The following ANO3 variants were observed in gnomAD, a reference collection of about 807,000 sequenced individuals.
ANO3 encodes the protein anoctamin 3.
In ANO3, 99 loss-of-function variants were observed where a neutral mutation model predicts 144.8. The ratio of observed to expected loss-of-function variants is 0.68; its 90% CI spans 0.58 to 0.81. The LOEUF (loss-of-function observed/expected upper bound fraction) is 0.81. Among genes scored for constraint, ANO3 ranks in the 30% least tolerant of loss-of-function variants. ANO3 has a pLI of 0.00. For synonymous variants in ANO3, 414 were observed against 392.6 expected, an observed-to-expected ratio of 1.05 and a Z score of -0.64; for missense variants, 905 against 1,202.2, an observed-to-expected ratio of 0.75 and a Z score of 3.66.
At chr11:26,271,111 T>C (rs775206438) in intron 1 of ANO3, among the ~76,000 whole-genome samples, 6 of 152,228 alleles carry the variant, frequency 3.9e-5, no homozygotes, top group Admixed American at 6.5e-5. Flanking sequence ...AGTGACAAGA[T>C]TGCCCTTCTG....
chr11:26,649,756 AT>A (rs1203156103), intron 24 of ANO3, among the ~76,000 whole-genome samples: 1 of 151,746 alleles, frequency 6.6e-6, no homozygotes, highest in African/African-American at 2.4e-5. Flanking sequence ...ATATATATTC[AT>A]AGCCCTTATG....
At position 26,290,168 on chromosome 11, in the gene ANO3, T is replaced by G. The variant is rs182737468; in HGVS notation, c.155-19477T>G. 2.2e-3 allele frequency among the ~76,000 whole-genome samples: 331 copies of G among 152,308 alleles called. 1 individual carries two copies. Among genetic ancestry groups the G allele is most frequent in the Non-Finnish European group, 3.9e-3 (265 of 68,008 alleles). On this transcript the variant is annotated intron_variant, in intron 1 of 27. Transcript: ENST00000672621. ...GCGTATGTGTCCAGGAATGTATCCA[T>G]TTCTTCTAGATTTTCTAGTTTATTT...
chr11:26,446,785 C>T (rs1858716168), intron 3 of ANO3, among the ~76,000 whole-genome samples: 1 of 152,112 alleles, frequency 6.6e-6, no homozygotes, highest in African/African-American at 2.4e-5. Flanking sequence ...ATCATAGCTC[C>T]TAGCACATCA....
chr11:26,337,244 T>A lies in ANO3; in HGVS notation c.46+4923T>A, dbSNP rs1011204868. 4.6e-5 allele frequency among the ~76,000 whole-genome samples: 7 copies of A among 152,320 alleles called. No individual in the cohort carries two copies. In the South Asian group the frequency reaches 8.3e-4, roughly 18 times the overall value. On this transcript the variant is annotated intron_variant, in intron 1 of 26. Coordinates refer to ENST00000256737, the MANE Select transcript of ANO3 (RefSeq NM_031418.4). ...GGCTCAGAGGAATTACTGTGTTAAT[T>A]CAAAGTAAGAACATTGCTGTTTAAA... is the stretch of plus-strand genomic sequence containing the variant.
At chr11:26,592,129 C>T (rs1345012907) in intron 14 of ANO3, among the ~76,000 whole-genome samples, 1 of 152,116 alleles carries the variant, frequency 6.6e-6, no homozygotes, top group African/African-American at 2.4e-5. Context: ...CTTGGTCAAA[C>T]ACAAGGTCAT....
rs1478191641 is a variant in ANO3, at chr11:26,218,355, TC to T, written c.154+29026del. Among the ~76,000 whole-genome samples the T allele has an allele frequency of 2.0e-5, 3 of 152,286 alleles. No individual in the cohort carries two copies. The East Asian group carries it at 5.8e-4, about 29-fold the overall frequency. On this transcript the variant is annotated intron_variant, in intron 1 of 27. Coordinates refer to the ANO3 transcript ENST00000672621. ...AGAACCCTTGACTGGTAATTATTTC[TC>T]TAATTTTTTTATTACAAATATCTTG...
chr11:26,445,029 T>C (rs574041949), intron 3 of ANO3, among the ~76,000 whole-genome samples: 7 of 152,320 alleles, frequency 4.6e-5, no homozygotes, highest in Non-Finnish European at 8.8e-5. Context: ...TATCCAAAAT[T>C]CTTGAGACCA....
intron 13 of ANO3, among the ~76,000 whole-genome samples, chr11:26,557,582 G>A (rs1270029051): frequency 6.6e-6 from 1 of 152,092 alleles, no homozygotes; most frequent in East Asian, 1.9e-4. Context: ...TGTAGGACAA[G>A]ATTCTTTTTG....
intron 17 of ANO3, among the ~76,000 whole-genome samples, chr11:26,621,558 C>T (rs11029649): frequency 0.15 from 23,094 of 151,974 alleles, 2,043 homozygotes; most frequent in East Asian, 0.33. Context: ...TAAAATAGTA[C>T]TCTCTGTGTC....
At chr11:26,411,666 C>T (rs769457184) in intron 1 of ANO3, among the ~76,000 whole-genome samples, 1 of 151,904 alleles carries the variant, frequency 6.6e-6, no homozygotes, top group East Asian at 1.9e-4. Context: ...TACTGCGATA[C>T]TCACCACACT....
At chr11:26,256,154 A>G (rs1432865399) in intron 1 of ANO3, among the ~76,000 whole-genome samples, 1 of 152,192 alleles carries the variant, frequency 6.6e-6, no homozygotes, top group Admixed American at 6.5e-5. Flanking sequence ...AGGATAGGAA[A>G]GAAAGGCTGG....
intron 14 of ANO3, among the ~76,000 whole-genome samples, chr11:26,590,300 T>C (rs1851407175): frequency 6.6e-6 from 1 of 152,264 alleles, no homozygotes; most frequent in Admixed American, 6.5e-5. Flanking sequence ...CTTTTAATTC[T>C]CATAAATACT....
Position 26,192,055 on chromosome 11 carries a change from A to C in ANO3, c.154+2725A>C, listed in dbSNP as rs374569342. Among the ~76,000 whole-genome samples the C allele has an allele frequency of 1.4e-4, 21 of 152,326 alleles. No individual in the cohort carries two copies. In the East Asian group the frequency reaches 2.3e-3, roughly 17 times the overall value. On this transcript the variant is annotated intron_variant, in intron 1 of 27. Transcript: ENST00000672621. ...ATACTTTTTAAATGAGTTTTCTGCC[A>C]TAAGGTATATTTGTTTAAGTCAAGT...
intron 1 of ANO3, among the ~76,000 whole-genome samples, chr11:26,229,344 A>G (rs992063601): frequency 6.6e-6 from 1 of 152,242 alleles, no homozygotes; most frequent in Non-Finnish European, 1.5e-5. Context: ...TGATGCGTAG[A>G]TCTGCCATTT....
intron 1 of ANO3, among the ~76,000 whole-genome samples, chr11:26,219,666 A>AT (rs1246562869): frequency 3.3e-5 from 5 of 152,210 alleles, no homozygotes; most frequent in Non-Finnish European, 7.4e-5. Context: ...ACAAACGTTC[A>AT]TAAGTCTAAC....
intron 1 of ANO3, among the ~76,000 whole-genome samples, chr11:26,220,413 G>A (rs567180746): frequency 2.0e-5 from 3 of 152,148 alleles, no homozygotes; most frequent in Non-Finnish European, 2.9e-5. Flanking sequence ...AGGCCTTACT[G>A]TCTCCAGCCT....
chr11:26,572,188 G>A, intron 14 of ANO3: 1 of 985,442 alleles, frequency 1.0e-6, no homozygotes, highest in Non-Finnish European at 1.2e-6. Flanking sequence ...ACAAAATTAG[G>A]TGGGGCTGGC....
At chr11:26,605,926 C>A (rs574123310) in intron 17 of ANO3, among the ~76,000 whole-genome samples, 1 of 151,118 alleles carries the variant, frequency 6.6e-6, no homozygotes, top group East Asian at 1.9e-4. Context: ...GTTTTCATGT[C>A]TCTACCTCCT....
rs146381682 is a variant in ANO3, at chr11:26,278,347, A to C, written c.155-31298A>C. 1.0e-3 allele frequency among the ~76,000 whole-genome samples: 154 copies of C among 152,300 alleles called. 2 individuals are homozygous for C. In the East Asian group the frequency reaches 0.027, roughly 27 times the overall value. ...TGGGACTGCTACTTGCTACCCTATTAAACCAGTATTAGGATAATGGATCAG... is the reference window on the plus strand; with the variant it reads ...TGGGACTGCTACTTGCTACCCTATTCAACCAGTATTAGGATAATGGATCAG... On this transcript the variant is annotated intron_variant, in intron 1 of 27. Transcript: ENST00000672621.
Sources: allele counts gnomAD v4.1 joint callset (sites outside exome capture counted in the v4.1 genomes callset), GRCh38; gene constraint gnomAD v4.1.1; transcripts MANE v1.5; gene names NCBI Gene and HGNC (gene_info 2026-07-23, HGNC 2026-07-21).